The following CFAP54 variants were observed in gnomAD, a reference collection of about 807,000 sequenced individuals.
CFAP54 encodes the protein cilia- and flagella-associated protein 54.
In CFAP54, 290 loss-of-function variants were observed where a neutral mutation model predicts 370.4. The observed-to-expected ratio is 0.78, with a 90% confidence interval of 0.71 to 0.86. CFAP54 has a LOEUF of 0.86. Among genes scored for constraint, CFAP54 ranks in the 40% least tolerant of loss-of-function variants. The pLI is 0.00. For synonymous variants in CFAP54, 1,206 were observed against 1,236.5 expected, an observed-to-expected ratio of 0.98 and a Z score of 0.52; for missense variants, 3,399 against 3,528.7, an observed-to-expected ratio of 0.96 and a Z score of 0.93.
intron 61 of CFAP54, 88 bp downstream of exon 61, chr12:96,784,978 T>C: frequency 9.1e-7 from 1 of 1,101,368 alleles, no homozygotes; most frequent in South Asian, 2.3e-5. Flanking sequence ...TAAGATACTT[T>C]TGACATCTTT....
intron 17 of CFAP54, among the ~76,000 whole-genome samples, chr12:96,556,631 A>G (rs899552681): frequency 2.0e-5 from 3 of 152,206 alleles, no homozygotes; most frequent in African/African-American, 7.2e-5. Context: ...TATTCACAAT[A>G]GCAAAGACAT....
chr12:96,855,712 C>T (rs1959685000), intron 66 of CFAP54, among the ~76,000 whole-genome samples: 1 of 152,196 alleles, frequency 6.6e-6, no homozygotes, highest in Non-Finnish European at 1.5e-5. Context: ...GGGTATAGCC[C>T]CCCTCTTGGG....
intron 20 of CFAP54, 41 bp downstream of exon 20, chr12:96,576,802 A>T: frequency 6.9e-7 from 1 of 1,447,604 alleles, no homozygotes; most frequent in Non-Finnish European, 9.3e-7. Context: ...GCAAAGCAAC[A>T]TAAGTACTTT....
chr12:96,745,065 A>G (rs1057050169), intron 55 of CFAP54, among the ~76,000 whole-genome samples: 16 of 151,778 alleles, frequency 1.1e-4, no homozygotes, highest in Non-Finnish European at 1.3e-4. Flanking sequence ...TATATGTACC[A>G]CATTTTCTTT....
At chr12:96,811,566 A>G (rs1410920851) in intron 63 of CFAP54, among the ~76,000 whole-genome samples, 170 bp from the exon 64 acceptor site, 2 of 152,206 alleles carry the variant, frequency 1.3e-5, no homozygotes, top group South Asian at 4.1e-4. Flanking sequence ...CCTTTGTACA[A>G]TTCTGGTTCA....
intron 22 of CFAP54, among the ~76,000 whole-genome samples, chr12:96,587,160 G>A (rs1006618249): frequency 5.3e-5 from 8 of 152,066 alleles, no homozygotes; most frequent in African/African-American, 1.7e-4. Flanking sequence ...AAGGTGTTTA[G>A]TATATATGGA....
intron 15 of CFAP54, among the ~76,000 whole-genome samples, chr12:96,550,414 T>C (rs999763254): frequency 1.3e-5 from 2 of 151,956 alleles, no homozygotes; most frequent in African/African-American, 4.8e-5. Flanking sequence ...CTGTCTTTAC[T>C]AAAAACACAA....
At chr12:96,533,755 A>G (rs979094673) in intron 9 of CFAP54, 37 bp from the exon 10 acceptor site, 3 of 1,378,766 alleles carry the variant, frequency 2.2e-6, no homozygotes, top group African/African-American at 2.9e-5. Flanking sequence ...ATTTATTTGC[A>G]TGAGTGATAT....
intron 12 of CFAP54, among the ~76,000 whole-genome samples, chr12:96,537,711 A>G (rs1990694): frequency 0.4 from 61,489 of 152,036 alleles, 12,944 homozygotes; most frequent in South Asian, 0.46. Flanking sequence ...AGTCAGGTGG[A>G]AGTAATTGGT....
intron 67 of CFAP54, among the ~76,000 whole-genome samples, chr12:96,874,637 T>A (rs1441339228): frequency 9.4e-5 from 8 of 84,792 alleles, no homozygotes; most frequent in Non-Finnish European, 1.1e-4. Context: ...ATTTTATTTT[T>A]TTTTTTTTTT....
At chr12:96,665,024 A>T (rs1286735767) in intron 39 of CFAP54, among the ~76,000 whole-genome samples, 2 of 151,356 alleles carry the variant, frequency 1.3e-5, no homozygotes, top group African/African-American at 4.9e-5. Context: ...CTGGTGTGAG[A>T]TGGTATCTCA....
chr12:96,544,410 A>ATCTCTCTCTCTCTCTCTCTCTC (rs71068815), intron 14 of CFAP54, among the ~76,000 whole-genome samples: 2 of 148,016 alleles, frequency 1.4e-5, no homozygotes, highest in African/African-American at 5.0e-5. Flanking sequence ...AAAACAGAAT[A>ATCTCTCTCTCTCTCTCTCTCTC]TCTCTCTCTC....
chr12:96,794,769 A>G (rs894728252), intron 63 of CFAP54, among the ~76,000 whole-genome samples: 2 of 152,120 alleles, frequency 1.3e-5, no homozygotes, highest in African/African-American at 2.4e-5. Context: ...GTTTGGATCC[A>G]TTGCTGGTGA....
rs1376690318 is a variant in CFAP54 at position 96,764,206 on chromosome 12, T to C, written c.8096T>C (p.Met2699Thr). 1 of 1,613,292 alleles carries C rather than the reference T, an allele frequency of 6.2e-7. No homozygotes were observed. Among genetic ancestry groups the C allele is most frequent in the Non-Finnish European group, 8.5e-7 (1 of 1,179,736 alleles). Residue 2699 changes from methionine to threonine, a missense_variant, in exon 59 of 68, where the codon ATG (methionine) becomes ACG (threonine). This residue lies in a region of CFAP54 where 2,796 missense variants were observed against 2,869.7 expected (regional missense o/e 0.97). Coordinates refer to ENST00000524981, the MANE Select transcript of CFAP54 (RefSeq NM_001306084.2). Reference protein sequence around the residue: ...VKETSANKFEMYSSLAWIAIR... With the variant: ...VKETSANKFETYSSLAWIAIR... ...GAAACATCAGCAAATAAATTTGAAA[T>C]GTACAGTTCATTAGCCTGGATTGCA...
chr12:96,765,452 A>C (rs1958393118), intron 60 of CFAP54, among the ~76,000 whole-genome samples: 2 of 152,210 alleles, frequency 1.3e-5, no homozygotes, highest in Admixed American at 1.3e-4. Flanking sequence ...TCTTTTAAAA[A>C]AATGATATTT....
rs117070119 is a variant in CFAP54 at position 96,857,336 on chromosome 12, T to A, written c.9172-3483T>A. Among the ~76,000 whole-genome samples the A allele has an allele frequency of 2.0e-3, 309 of 152,328 alleles. 5 individuals are homozygous for A. Among genetic ancestry groups the A allele is most frequent in the Admixed American group, 0.013 (204 of 15,310 alleles). On this transcript the variant is annotated intron_variant, in intron 66 of 67. Coordinates refer to ENST00000524981, the MANE Select transcript of CFAP54 (RefSeq NM_001306084.2). The stretch of plus-strand genomic sequence containing the variant: ...ACCCTGGTGTCTGTTGTTTCCTTCT[T>A]TGTGCCCATAAGTTCTCATAATTTA...
chr12:96,583,938 A>T (rs1273919351), intron 22 of CFAP54, among the ~76,000 whole-genome samples: 1 of 151,596 alleles, frequency 6.6e-6, no homozygotes, highest in Non-Finnish European at 1.5e-5. Flanking sequence ...TTTTCTTTTT[A>T]TTCTCTCCCT....
At chr12:96,718,054 T>C (rs557967807) in intron 48 of CFAP54, among the ~76,000 whole-genome samples, 6 of 152,280 alleles carry the variant, frequency 3.9e-5, no homozygotes, top group South Asian at 2.1e-4. Context: ...AATGATGAGT[T>C]TTAAAAACTA....
intron 39 of CFAP54, 137 bp from the exon 40 acceptor site, chr12:96,679,463 T>G (rs966241025): frequency 6.6e-6 from 5 of 754,606 alleles, no homozygotes; most frequent in Non-Finnish European, 9.6e-6. Flanking sequence ...TTGAAACACC[T>G]GCTGCAGATC....
Sources: allele counts gnomAD v4.1 joint callset (sites outside exome capture counted in the v4.1 genomes callset), GRCh38; gene constraint gnomAD v4.1.1; regional missense constraint gnomAD v4.1.1; transcripts MANE v1.5; gene names NCBI Gene and HGNC (gene_info 2026-07-23, HGNC 2026-07-21).